XKR6: variants seen among roughly 807,000 people sequenced by gnomAD.
XKR6 encodes XK-related protein 6.
A neutral mutation model predicts 56.7 loss-of-function variants in XKR6; 22 were observed. The ratio of observed to expected loss-of-function variants is 0.39; its 90% CI spans 0.28 to 0.55. The LOEUF (loss-of-function observed/expected upper bound fraction) is 0.55, where lower values mean the gene tolerates loss of function less well. Among genes scored for constraint, XKR6 ranks in the 20% least tolerant of loss-of-function variants. XKR6 has a pLI of 0.66. For missense variants in XKR6, 852 were observed against 889.0 expected (o/e 0.96, Z 0.53); for synonymous variants, 524 against 387.8 (o/e 1.35, Z -4.13).
chr8:10,950,804 G>T (rs1001746539), intron 1 of XKR6, among the ~76,000 whole-genome samples: 2 of 150,104 alleles, frequency 1.3e-5, no homozygotes, highest in East Asian at 3.9e-4. Flanking sequence ...AGTAAGTGTC[G>T]AACACTTTCC....
intron 1 of XKR6, among the ~76,000 whole-genome samples, chr8:11,085,306 A>G (rs911507291): frequency 6.6e-6 from 1 of 152,190 alleles, no homozygotes; most frequent in Non-Finnish European, 1.5e-5. Flanking sequence ...TCTCACTCAC[A>G]GGGTCCTTGG....
chr8:10,942,275 G>T (rs1801407133), intron 1 of XKR6, among the ~76,000 whole-genome samples: 1 of 152,150 alleles, frequency 6.6e-6, no homozygotes, highest in Admixed American at 6.5e-5. Flanking sequence ...CTCCACACAG[G>T]TGCATTGTGT....
chr8:10,955,985 A>C (rs887996843), intron 1 of XKR6, among the ~76,000 whole-genome samples: 2 of 152,222 alleles, frequency 1.3e-5, no homozygotes, highest in African/African-American at 4.8e-5. Context: ...TGAGGGCAAG[A>C]CAACAGAAAG....
At chr8:11,195,055 G>A in intron 1 of XKR6, 1 of 687,316 alleles carries the variant, frequency 1.5e-6, no homozygotes, top group Non-Finnish European at 2.6e-6. Flanking sequence ...TCATTCTCCT[G>A]GAGGAAGTAT....
intron 1 of XKR6, among the ~76,000 whole-genome samples, chr8:10,965,098 A>G (rs1484303996): frequency 6.6e-6 from 1 of 152,194 alleles, no homozygotes; most frequent in South Asian, 2.1e-4. Flanking sequence ...TTAGGAAACC[A>G]TATTGCCAAG....
intron 1 of XKR6, among the ~76,000 whole-genome samples, chr8:11,140,942 T>C (rs1800665961): frequency 1.4e-5 from 2 of 141,948 alleles, no homozygotes; most frequent in Non-Finnish European, 1.5e-5. Context: ...TCCTAGAGAA[T>C]AAGCTTCAGA....
In XKR6 at chr8:10,911,160, A is replaced by G. The variant is rs111293485; in HGVS notation, c.962-12244T>C. ...CTGTTTGTGAGCCGTGGGTAAAAAC[A>G]TGGATTTTGAGTATATATACATATA... On this transcript the variant is annotated intron_variant, in intron 2 of 2. Transcript: ENST00000416569. Among the ~76,000 whole-genome samples, 519 of 151,584 alleles carry G rather than the reference A, an allele frequency of 3.4e-3. 6 individuals carry two copies. The highest frequency in any genetic ancestry group is 0.011 in the African/African-American group (472 of 41,320).
intron 1 of XKR6, among the ~76,000 whole-genome samples, chr8:10,988,815 A>G (rs1177394137): frequency 6.6e-6 from 1 of 152,254 alleles, no homozygotes; most frequent in Non-Finnish European, 1.5e-5. Context: ...GATTCTACAA[A>G]GTCAACGTCT....
chr8:10,914,173 C>A (rs557573019), intron 2 of XKR6, among the ~76,000 whole-genome samples: 17 of 133,678 alleles, frequency 1.3e-4, no homozygotes, highest in African/African-American at 4.8e-4. Flanking sequence ...GAGTGCCCCC[C>A]ACCCAGCCCA....
At chr8:10,978,503 T>A (rs1384908492) in intron 1 of XKR6, among the ~76,000 whole-genome samples, 1 of 152,192 alleles carries the variant, frequency 6.6e-6, no homozygotes, top group Non-Finnish European at 1.5e-5. Flanking sequence ...GCTGATTTGA[T>A]GGGAAACAGG....
intron 1 of XKR6, among the ~76,000 whole-genome samples, chr8:11,056,059 C>G (rs1799676443): frequency 1.3e-5 from 2 of 152,182 alleles, no homozygotes; most frequent in Non-Finnish European, 2.9e-5. Flanking sequence ...CACCGGCGCC[C>G]CCTGCTGGAT....
intron 1 of XKR6, among the ~76,000 whole-genome samples, chr8:11,120,106 T>C (rs537896226): frequency 4.1e-4 from 62 of 152,260 alleles, no homozygotes; most frequent in African/African-American, 1.5e-3. Flanking sequence ...ACTGAAAGCA[T>C]TCCCTTTGAA....
chr8:11,001,293 T>G (rs1285646823), intron 1 of XKR6, among the ~76,000 whole-genome samples: 1 of 144,604 alleles, frequency 6.9e-6, no homozygotes, highest in Admixed American at 6.7e-5. Context: ...GGCCTCTTCA[T>G]AATGTTGTTT....
intron 1 of XKR6, among the ~76,000 whole-genome samples, chr8:11,081,492 A>C (rs917605461): frequency 2.0e-5 from 3 of 152,246 alleles, no homozygotes; most frequent in African/African-American, 7.2e-5. Flanking sequence ...ACACATCAAA[A>C]TGTGGACATT....
intron 1 of XKR6, among the ~76,000 whole-genome samples, chr8:11,068,699 G>T (rs1800042609): frequency 6.6e-6 from 1 of 152,150 alleles, no homozygotes; most frequent in African/African-American, 2.4e-5. Context: ...CCAGAGAGAG[G>T]CTTCCCAGGA....
intron 1 of XKR6, among the ~76,000 whole-genome samples, chr8:11,155,061 C>T (rs947327226): frequency 6.6e-6 from 1 of 152,212 alleles, no homozygotes; most frequent in African/African-American, 2.4e-5. Context: ...AATATTTTGG[C>T]CAGAACCATG....
chr8:11,142,517 G>A (rs1040546197), intron 1 of XKR6, among the ~76,000 whole-genome samples: 4 of 152,132 alleles, frequency 2.6e-5, no homozygotes, highest in Admixed American at 6.5e-5. Context: ...CCTCATGAAT[G>A]GCTTAACACC....
At position 10,918,193 on chromosome 8, in the gene XKR6, G is replaced by A. The variant is rs113537468; in HGVS notation, c.961+6441C>T. ...TGTGTTTCTCACTATCAGGGTCCTGGGGAGCTGGAGGGTCCTTGTCCTAGA... is the reference window on the plus strand; with the variant it reads ...TGTGTTTCTCACTATCAGGGTCCTGAGGAGCTGGAGGGTCCTTGTCCTAGA... On this transcript the variant is annotated intron_variant, in intron 2 of 2. Transcript: ENST00000416569. Among the ~76,000 whole-genome samples, 440 of 152,292 alleles carry A rather than the reference G, an allele frequency of 2.9e-3. 2 individuals carry two copies. Among genetic ancestry groups the A allele is most frequent in the Non-Finnish European group, 4.4e-3 (302 of 68,032 alleles).
intron 1 of XKR6, among the ~76,000 whole-genome samples, chr8:11,079,647 C>G (rs1232815992): frequency 6.6e-6 from 1 of 152,130 alleles, no homozygotes; most frequent in Non-Finnish European, 1.5e-5. Context: ...TTAGAAAGAC[C>G]AGGTAACGTT....
Sources: gnomAD v4.1 joint callset for allele counts (sites outside exome capture counted in the v4.1 genomes callset) on GRCh38, gnomAD v4.1.1 for gene constraint, MANE v1.5 for transcripts, NCBI Gene and HGNC (gene_info 2026-07-23, HGNC 2026-07-21) for gene names.